The following SHLD2 variants were observed in gnomAD, a reference collection of about 807,000 sequenced individuals.
The protein encoded by SHLD2 is RINN1-REV7-interacting novel NHEJ regulator 2.
A neutral mutation model predicts 73.2 loss-of-function variants in SHLD2; 30 were observed. That is an observed-to-expected ratio of 0.41 (90% CI 0.31 to 0.56). The LOEUF (loss-of-function observed/expected upper bound fraction) is 0.56. Among genes scored for constraint, SHLD2 ranks in the 20% least tolerant of loss-of-function variants. The pLI, the probability that SHLD2 is intolerant of heterozygous loss-of-function variation, is 0.28. For missense variants in SHLD2, 745 were observed against 1,055.9 expected (o/e 0.71, Z 4.08); for synonymous variants, 285 against 370.1 (o/e 0.77, Z 2.64).
Position 87,187,159 on chromosome 10 carries a change from T to C in SHLD2, c.2474T>C (p.Ile825Thr). ...IRVESKLIEK[I>T]LLNISADCLN... ...GTAGAATCAAAGCTGATAGAGAAGA[T>C]TCTTCTCAACATTTCTGCAGACTGC... is the stretch of plus-strand genomic sequence containing the variant. The change falls in exon 9 of 10, where the codon ATT becomes ACT. Residue 825 changes from isoleucine (I) to threonine (T), a missense_variant. Transcript: ENST00000298786. The C allele has an allele frequency of 6.2e-7, 1 of 1,613,058 alleles. No individual in the cohort carries two copies. The highest frequency in any genetic ancestry group is 8.5e-7 in the Non-Finnish European group (1 of 1,179,086).
At chr10:87,122,003 G>A (rs1843663140) in intron 2 of SHLD2, among the ~76,000 whole-genome samples, 1 of 151,908 alleles carries the variant, frequency 6.6e-6, no homozygotes, top group Non-Finnish European at 1.5e-5. Context: ...GACCTACAGT[G>A]ATCCGCCTGC....
intron 4 of SHLD2, among the ~76,000 whole-genome samples, chr10:87,162,106 A>G (rs990812881): frequency 1.3e-5 from 2 of 152,034 alleles, no homozygotes; most frequent in Admixed American, 1.3e-4. Context: ...AACAAACAGT[A>G]ATAAACACCA....
At chr10:87,109,857 C>A (rs567118443) in intron 2 of SHLD2, among the ~76,000 whole-genome samples, 4 of 152,244 alleles carry the variant, frequency 2.6e-5, no homozygotes, top group Non-Finnish European at 5.9e-5. Context: ...AAAAAGCTGT[C>A]TTGGCCGGGT....
At chr10:87,183,798 T>G (rs1848453063) in intron 8 of SHLD2, among the ~76,000 whole-genome samples, 1 of 152,288 alleles carries the variant, frequency 6.6e-6, no homozygotes, top group Middle Eastern at 3.4e-3. Context: ...ACTTCCTCCT[T>G]CTTGAAACAG....
In SHLD2 at chr10:87,117,400, C is replaced by T. The variant is rs773718713; in HGVS notation, c.-6+20411C>T. On this transcript the variant is annotated intron_variant, in intron 2 of 9. Transcript: ENST00000298786. ...CACCATTGCACTCCAGCCTGGGCAACGAGTGAAACTCAGTCTTAAACAAAA... is the reference window on the plus strand; with the variant it reads ...CACCATTGCACTCCAGCCTGGGCAATGAGTGAAACTCAGTCTTAAACAAAA... Among the ~76,000 whole-genome samples the T allele has an allele frequency of 1.5e-4, 23 of 152,058 alleles. 1 individual carries two copies. The highest frequency in any genetic ancestry group is 4.1e-4 in the South Asian group (2 of 4,822).
chr10:87,175,554 CGCACCT>C (rs1847900601), intron 6 of SHLD2, among the ~76,000 whole-genome samples: 1 of 151,210 alleles, frequency 6.6e-6, no homozygotes, highest in South Asian at 2.1e-4. Context: ...AGTGGTGGCA[CGCACCT>C]GTAATCCCAG....
chr10:87,141,709 T>C (rs1232807783), intron 2 of SHLD2, among the ~76,000 whole-genome samples: 1 of 152,100 alleles, frequency 6.6e-6, no homozygotes, highest in Non-Finnish European at 1.5e-5. Context: ...TCTGATTGGA[T>C]CATTATGCAA....
chr10:87,180,970 T>C (rs892899177), intron 8 of SHLD2, among the ~76,000 whole-genome samples: 2 of 152,220 alleles, frequency 1.3e-5, no homozygotes, highest in Non-Finnish European at 1.5e-5. Context: ...AGAAAAGTTA[T>C]AGAAGCTTAA....
At chr10:87,142,619 G>A (rs1028407507) in intron 2 of SHLD2, among the ~76,000 whole-genome samples, 3 of 152,126 alleles carry the variant, frequency 2.0e-5, no homozygotes, top group African/African-American at 7.2e-5. Context: ...ATGAGAAATT[G>A]GAAGTAGAGC....
At chr10:87,144,945 T>C (rs1023351917) in intron 2 of SHLD2, among the ~76,000 whole-genome samples, 2 of 141,170 alleles carry the variant, frequency 1.4e-5, no homozygotes, top group Non-Finnish European at 3.1e-5. Flanking sequence ...TTCTTTTTTT[T>C]TTTTTTTTTT....
In SHLD2 at chr10:87,152,530, A is replaced by G. The variant is rs143979850; in HGVS notation, c.1176A>G (p.Leu392=). 36 of 1,611,982 alleles carry G rather than the reference A, an allele frequency of 2.2e-5. No homozygotes were observed. In the African/African-American group the frequency reaches 2.9e-4, roughly 13 times the overall value. Residue 392 remains leucine, a synonymous_variant, in exon 3 of 10, where the codon CTA becomes CTG. Transcript: ENST00000298786. The part of the protein sequence containing the change: ...SEDKVGQSEA[L]SRVLQVAKKM... The stretch of plus-strand genomic sequence containing the variant: ...ATAAAGTGGGCCAGTCTGAAGCTCT[A>G]TCTAGAGTCCTTCAAGTAGCTAAGA...
At chr10:87,141,586 A>G (rs1418670708) in intron 2 of SHLD2, among the ~76,000 whole-genome samples, 1 of 152,100 alleles carries the variant, frequency 6.6e-6, no homozygotes, top group Non-Finnish European at 1.5e-5. Flanking sequence ...TCTATTGCAC[A>G]GTGGGGTGAG....
intron 2 of SHLD2, among the ~76,000 whole-genome samples, chr10:87,125,892 A>T (rs1032354798): frequency 3.9e-5 from 6 of 152,152 alleles, no homozygotes; most frequent in African/African-American, 1.4e-4. Flanking sequence ...ACGCCACTGC[A>T]CTCCAGCCTG....
In SHLD2 at chr10:87,120,028, G is replaced by A. The variant is rs188757412; in HGVS notation, c.-6+23039G>A. On this transcript the variant is annotated intron_variant, in intron 2 of 9. Coordinates refer to ENST00000298786, the MANE Select transcript of SHLD2 (RefSeq NM_001330112.2). ...GGTTGGTTTGAGTTGTATGTGATGA[G>A]ATTTCTAATATTCTATTCGAAATGC... 2.0e-5 allele frequency among the ~76,000 whole-genome samples: 3 copies of A among 152,090 alleles called. No homozygotes were observed. The East Asian group carries it at 5.8e-4, about 29-fold the overall frequency.
At chr10:87,108,648 A>G (rs150084929) in intron 2 of SHLD2, among the ~76,000 whole-genome samples, 1 of 152,266 alleles carries the variant, frequency 6.6e-6, no homozygotes, top group East Asian at 1.9e-4. Context: ...CTCTGTTTCT[A>G]CTAGGTAATA....
intron 3 of SHLD2, among the ~76,000 whole-genome samples, chr10:87,154,819 A>C (rs1482727899): frequency 6.6e-6 from 1 of 152,196 alleles, no homozygotes; most frequent in Non-Finnish European, 1.5e-5. Context: ...GATACAGAGG[A>C]GGTATTTAGA....
chr10:87,119,732 C>A lies in SHLD2; in HGVS notation c.-6+22743C>A, dbSNP rs1185995778. ...GGCGGAGGTTGCAGTGAGCCAAGATCGCGCCACTGCACTCCAGCCTGGGCA... is the reference window on the plus strand; with the variant it reads ...GGCGGAGGTTGCAGTGAGCCAAGATAGCGCCACTGCACTCCAGCCTGGGCA... On this transcript the variant is annotated intron_variant, in intron 2 of 9. Transcript: ENST00000298786. 4.6e-5 allele frequency among the ~76,000 whole-genome samples: 7 copies of A among 151,040 alleles called. 1 individual carries two copies. Among genetic ancestry groups the A allele is most frequent in the Admixed American group, 2.0e-4 (3 of 15,134 alleles).
chr10:87,118,635 T>C (rs1338956355), intron 2 of SHLD2, among the ~76,000 whole-genome samples: 2 of 149,164 alleles, frequency 1.3e-5, no homozygotes, highest in Non-Finnish European at 3.0e-5. Flanking sequence ...ATTTGTTTTT[T>C]AAATTTAGAG....
intron 2 of SHLD2, among the ~76,000 whole-genome samples, chr10:87,113,703 A>G (rs146396090): frequency 1.3e-5 from 2 of 152,182 alleles, no homozygotes; most frequent in African/African-American, 2.4e-5. Context: ...ATTGTATGCT[A>G]TGTCAATTAA....
Sources: gnomAD v4.1 joint callset for allele counts (sites outside exome capture counted in the v4.1 genomes callset) on GRCh38, gnomAD v4.1.1 for gene constraint, MANE v1.5 for transcripts, NCBI Gene and HGNC (gene_info 2026-07-23, HGNC 2026-07-21) for gene names.